LARGE2: variants seen among roughly 807,000 people sequenced by gnomAD.
LARGE2 encodes xylosyl- and glucuronyltransferase LARGE2.
In LARGE2, 63 loss-of-function variants were observed where a neutral mutation model predicts 75.3. The ratio of observed to expected loss-of-function variants is 0.84; its 90% CI spans 0.68 to 1.03. The LOEUF is 1.03. LARGE2 is among the 50% of genes least tolerant of loss of function. The pLI is 0.00. For synonymous variants in LARGE2, 428 were observed against 420.1 expected, an observed-to-expected ratio of 1.02 and a Z score of -0.23; for missense variants, 925 against 980.6, an observed-to-expected ratio of 0.94 and a Z score of 0.76.
At position 45,929,086 on chromosome 11, in the gene LARGE2, T is replaced by A. The variant is rs530896262; in HGVS notation, c.*241T>A. 1 of 584,338 alleles carries A rather than the reference T, an allele frequency of 1.7e-6. No individual in the cohort carries two copies. Among genetic ancestry groups the A allele is most frequent in the African/African-American group, 1.9e-5 (1 of 53,700 alleles). 36.2% of individuals were successfully genotyped at this position (584,338 alleles called of 1,614,324 possible). ...TTTATCCCTTTTTCATAATTAAAGTTTTAAAACATCTTTTTTGTGTTCCTG... is the reference window on the plus strand; with the variant it reads ...TTTATCCCTTTTTCATAATTAAAGTATTAAAACATCTTTTTTGTGTTCCTG... On this transcript the variant is annotated 3_prime_UTR_variant, in exon 14 of 14. Transcript: ENST00000401752.
At chr11:45,924,298 C>T (rs1253999503) in intron 4 of LARGE2, 21 bp downstream of exon 4, 1 of 1,611,550 alleles carries the variant, frequency 6.2e-7, no homozygotes, top group Admixed American at 1.7e-5. Flanking sequence ...AGCCCTTCCC[C>T]CCTCCCCTCA....
In LARGE2 at chr11:45,928,241, C is replaced by T; in HGVS notation, c.1819C>T (p.Pro607Ser). 6.2e-7 allele frequency: 1 copy of T among 1,614,020 alleles called. No individual in the cohort carries two copies. The highest frequency in any genetic ancestry group is 8.5e-7 in the Non-Finnish European group (1 of 1,180,042). ...DYARWREAQA[P>S]YRVQWAANYE... ...TGCCCGCTGGCGGGAGGCTCAGGCC[C>T]CGTACCGTGTGCAATGGGCGGCCAA... The change falls in exon 13 of 14, where the codon CCG (proline) becomes TCG (serine). Residue 607 changes from proline (P) to serine (S), a missense_variant. This residue lies in a region of LARGE2 where 469 missense variants were observed against 503.8 expected (regional missense o/e 0.93). Coordinates refer to ENST00000401752, the MANE Select transcript of LARGE2 (RefSeq NM_001300721.2).
At chr11:45,926,619 C>G (rs1441469301) in intron 9 of LARGE2, 22 bp downstream of exon 9, 1 of 1,613,816 alleles carries the variant, frequency 6.2e-7, no homozygotes, top group Admixed American at 1.7e-5. Context: ...TCACCTTCCC[C>G]TGCCCCTCTC....
intron 13 of LARGE2, 124 bp from the exon 14 acceptor site, chr11:45,928,506 A>C (rs978868117): frequency 3.3e-6 from 5 of 1,530,346 alleles, no homozygotes; most frequent in Non-Finnish European, 4.4e-6. Flanking sequence ...GAATTAAAAT[A>C]ATCTGCCCTT....
In LARGE2 at chr11:45,927,951, C is replaced by T. The variant is rs11038713; in HGVS notation, c.1636C>T (p.Arg546Trp). ...ASIEQLGLGS[R>W]RKAALVVPAF... ...CATTGAGCAGCTGGGGCTGGGCAGC[C>T]GGCGCAAGGCAGCACTGGTGGTGCC... is the stretch of plus-strand genomic sequence containing the variant. Residue 546 changes from arginine to tryptophan, a missense_variant, in exon 12 of 14, where the codon CGG becomes TGG. Coordinates refer to ENST00000401752, the MANE Select transcript of LARGE2 (RefSeq NM_001300721.2). 1,455 of 1,613,510 alleles carry T rather than the reference C, an allele frequency of 9.0e-4. 1 individual carries two copies. Among genetic ancestry groups the T allele is most frequent in the Non-Finnish European group, 1.0e-3 (1,225 of 1,179,918 alleles).
Position 45,929,048 on chromosome 11 carries a change from C to G in LARGE2, c.*203C>G, listed in dbSNP as rs1399513349. 1.6e-6 allele frequency: 1 copy of G among 640,352 alleles called. No homozygotes were observed. Among genetic ancestry groups the G allele is most frequent in the African/African-American group, 1.8e-5 (1 of 54,596 alleles). 39.7% of individuals were successfully genotyped at this position (640,352 alleles called of 1,614,324 possible). A position where few individuals can be genotyped will look rare whatever the true frequency, so the allele number is the denominator to read the frequency against. On this transcript the variant is annotated 3_prime_UTR_variant, in exon 14 of 14. Transcript: ENST00000401752. ...CCCAGCCAGTTTGGGGCTGGTTCCCCCATCTTGAATTGTTTATCCCTTTTT... is the reference window on the plus strand; with the variant it reads ...CCCAGCCAGTTTGGGGCTGGTTCCCGCATCTTGAATTGTTTATCCCTTTTT...
chr11:45,922,895 G>A lies in LARGE2; in HGVS notation c.13G>A (p.Gly5Arg). 7.9e-7 allele frequency: 1 copy of A among 1,270,786 alleles called. No homozygotes were observed. The highest frequency in any genetic ancestry group is 9.9e-7 in the Non-Finnish European group (1 of 1,013,132). The allele number at this position is 1,270,786 out of a possible 1,614,324, so 78.7% of individuals were successfully genotyped here. A position where few individuals can be genotyped will look rare whatever the true frequency, so the allele number is the denominator to read the frequency against. ...CCCGTCGGCGGCCATGCTGCCCCGA[G>A]GGCGCCCCCGGGCGCTGGGGGCCGC... Reference protein sequence around the residue: MLPRGRPRALGAAAL... With the variant: MLPRRRPRALGAAAL... Residue 5 changes from glycine (G) to arginine (R), a missense_variant, in exon 2 of 14, where the codon GGG (glycine) becomes AGG (arginine). Gly to Arg is a moderately radical substitution (Grantham distance 125). This residue lies in a region of LARGE2 where 453 missense variants were observed against 460.2 expected (regional missense o/e 0.98). Coordinates refer to ENST00000401752, the MANE Select transcript of LARGE2 (RefSeq NM_001300721.2).
intron 11 of LARGE2, 130 bp downstream of exon 11, chr11:45,927,723 A>G: frequency 6.9e-7 from 1 of 1,456,932 alleles, no homozygotes; most frequent in Non-Finnish European, 9.5e-7. Flanking sequence ...GGTTTGTATT[A>G]GGCTGTTTCT....
At chr11:45,924,411 G>A (rs1015045535) in intron 4 of LARGE2, 95 bp from the exon 5 acceptor site, 25 of 1,562,928 alleles carry the variant, frequency 1.6e-5, no homozygotes, top group Non-Finnish European at 2.0e-5. Context: ...CTCTTTTGGG[G>A]GTTTACCCCC....
intron 4 of LARGE2, 34 bp from the exon 5 acceptor site, chr11:45,924,472 C>G (rs756435887): frequency 1.2e-6 from 2 of 1,602,276 alleles, no homozygotes; most frequent in African/African-American, 1.3e-5. Flanking sequence ...AGGCCCCTCT[C>G]TGCCATCTCA....
chr11:45,927,786 G>A (rs1021920109), intron 11 of LARGE2, 134 bp from the exon 12 acceptor site: 33 of 1,457,930 alleles, frequency 2.3e-5, no homozygotes, highest in Non-Finnish European at 2.9e-5. Flanking sequence ...CTCCACCTGT[G>A]GTTGTGCCCA....
At chr11:45,923,715 G>C (rs561217970) in intron 3 of LARGE2, among the ~76,000 whole-genome samples, 160 bp downstream of exon 3, 1 of 152,220 alleles carries the variant, frequency 6.6e-6, no homozygotes, top group African/African-American at 2.4e-5. Context: ...TGCCGGGCGC[G>C]GTGGCTCACG....
At chr11:45,927,696 T>C in intron 11 of LARGE2, 103 bp downstream of exon 11, 5 of 1,524,396 alleles carry the variant, frequency 3.3e-6, no homozygotes, top group Non-Finnish European at 4.5e-6. Flanking sequence ...TGGGCCTCAG[T>C]GGCCTCTGTC....
At position 45,924,794 on chromosome 11, in the gene LARGE2, C is replaced by T. The variant is rs1222346567; in HGVS notation, c.674C>T (p.Ala225Val). 22 of 1,506,038 alleles carry T rather than the reference C, an allele frequency of 1.5e-5. No individual in the cohort carries two copies. Among genetic ancestry groups the T allele is most frequent in the South Asian group, 7.9e-5 (6 of 76,042 alleles). The allele number at this position is 1,506,038 out of a possible 1,614,324, so 93.3% of individuals were successfully genotyped here. A position where few individuals can be genotyped will look rare whatever the true frequency, so the allele number is the denominator to read the frequency against. ...ALFAHFSDTQ[A>V]IGLVENQSDW... ...TGCCCTCCCCTCCCAGACACGCAGG[C>T]GATCGGTCTTGTGGAGAACCAGAGT... The change falls in exon 6 of 14, where the codon GCG (alanine) becomes GTG (valine). Residue 225 changes from alanine (A) to valine (V), a missense_variant. Ala to Val is a moderately conservative substitution (Grantham distance 64, BLOSUM62 0). Coordinates refer to ENST00000401752, the MANE Select transcript of LARGE2 (RefSeq NM_001300721.2).
rs1441405067 is a variant in LARGE2 at position 45,928,166 on chromosome 11, C to T, written c.1755-11C>T. The T allele has an allele frequency of 6.8e-6, 11 of 1,613,390 alleles. No homozygotes were observed. The highest frequency in any genetic ancestry group is 1.3e-5 in the African/African-American group (1 of 74,952). On this transcript the variant is annotated splice_polypyrimidine_tract_variant and intron_variant, in intron 12 of 13. Transcript: ENST00000401752. ...GCCTCAGCCTGGCTCCCACCCGACC[C>T]TGCTGCACAGGTACCACGAGTGGCC...
At position 45,926,486 on chromosome 11, in the gene LARGE2, G is replaced by A; in HGVS notation, c.1053G>A (p.Lys351=). 1.9e-6 allele frequency: 3 copies of A among 1,614,102 alleles called. No homozygotes were observed. Among genetic ancestry groups the A allele is most frequent in the African/African-American group, 1.3e-5 (1 of 75,032 alleles). Residue 351 remains lysine (K), a synonymous_variant, in exon 9 of 14, where the codon AAG becomes AAA. Coordinates refer to ENST00000401752, the MANE Select transcript of LARGE2 (RefSeq NM_001300721.2). ...NSPKKLRVKN[K]HVEFFRNFYL... ...CAAAGAAGCTTCGGGTGAAGAACAA[G>A]CATGTGGAATTCTTCCGCAATTTCT...
chr11:45,926,958 C>T, intron 10 of LARGE2, 87 bp downstream of exon 10: 1 of 1,350,148 alleles, frequency 7.4e-7, no homozygotes, highest in Non-Finnish European at 1.0e-6. Context: ...CAGCCTGATG[C>T]TGTGGTAGTG....
intron 1 of LARGE2, 21 bp from the exon 2 acceptor site, chr11:45,922,800 A>G (rs982991480): frequency 8.4e-5 from 94 of 1,116,720 alleles, no homozygotes; most frequent in Non-Finnish European, 1.0e-4. Flanking sequence ...TGAGTCTCCC[A>G]TCTCGCCCCT....
intron 11 of LARGE2, 64 bp downstream of exon 11, chr11:45,927,657 C>T: frequency 6.3e-7 from 1 of 1,575,744 alleles, no homozygotes; most frequent in Non-Finnish European, 8.6e-7. Flanking sequence ...ATGCGTGGGA[C>T]CCCAGGCTTC....
Sources: gnomAD v4.1 joint callset for allele counts (sites outside exome capture counted in the v4.1 genomes callset) on GRCh38, gnomAD v4.1.1 for gene constraint, gnomAD v4.1.1 regional missense constraint, MANE v1.5 for transcripts, NCBI Gene and HGNC (gene_info 2026-07-23, HGNC 2026-07-21) for gene names.